The following SRD5A2 variants were observed in gnomAD, a reference collection of about 807,000 sequenced individuals.
SRD5A2 encodes the protein 3-oxo-5-alpha-steroid 4-dehydrogenase 2.
In SRD5A2, 30 loss-of-function variants were observed where a neutral mutation model predicts 27.4. The observed-to-expected ratio is 1.10, with a 90% CI of 0.82 to 1.49. The LOEUF (loss-of-function observed/expected upper bound fraction) is 1.49, where lower values mean the gene tolerates loss of function less well. Among genes scored for constraint, SRD5A2 ranks in the 40% most tolerant of loss-of-function variants. The probability of loss-of-function intolerance (pLI) is 0.00; values close to 1 mark genes in which losing one functional copy is unlikely to be tolerated. For missense variants in SRD5A2, 348 were observed against 323.4 expected, an observed-to-expected ratio of 1.08 and a Z score of -0.58; for synonymous variants, 141 against 133.6, an observed-to-expected ratio of 1.06 and a Z score of -0.38.
chr2:31,590,668 G>A, the SRD5A2 span, among the ~76,000 whole-genome samples: 1 of 152,168 alleles, frequency 6.6e-6, no homozygotes, highest in Non-Finnish European at 1.5e-5. Flanking sequence ...CATGCTACCT[G>A]ACTTCAAACT....
intron 1 of SRD5A2, among the ~76,000 whole-genome samples, chr2:31,563,969 A>C (rs1190960144): frequency 6.6e-6 from 1 of 152,082 alleles, no homozygotes; most frequent in African/African-American, 2.4e-5. Context: ...TCCCAGAACA[A>C]AGCTCAAGAA....
At chr2:31,602,726 C>T in the SRD5A2 span, among the ~76,000 whole-genome samples, 2 of 151,916 alleles carry the variant, frequency 1.3e-5, no homozygotes, top group Non-Finnish European at 2.9e-5. Flanking sequence ...AACAACCGAA[C>T]AGAATAGAGA....
chr2:31,545,784 AGAT>A (rs1269093336), intron 1 of SRD5A2, among the ~76,000 whole-genome samples: 1 of 152,214 alleles, frequency 6.6e-6, no homozygotes, highest in African/African-American at 2.4e-5. Flanking sequence ...CTCTGCTTAC[AGAT>A]GATATGATCA....
At chr2:31,560,360 G>A (rs1666597434) in intron 1 of SRD5A2, among the ~76,000 whole-genome samples, 1 of 150,850 alleles carries the variant, frequency 6.6e-6, no homozygotes, top group Non-Finnish European at 1.5e-5. Context: ...GGTGTCTAGA[G>A]CTCCCATCTC....
chr2:31,626,034 C>T, the SRD5A2 span, among the ~76,000 whole-genome samples: 3 of 152,264 alleles, frequency 2.0e-5, no homozygotes, highest in Non-Finnish European at 2.9e-5. Flanking sequence ...TCTTTTATTT[C>T]GTTGAGCAGT....
chr2:31,608,018 C>A, the SRD5A2 span, among the ~76,000 whole-genome samples: 1 of 152,008 alleles, frequency 6.6e-6, no homozygotes, highest in Non-Finnish European at 1.5e-5. Context: ...GACACTGACC[C>A]TGTTGGCACC....
intron 1 of SRD5A2, among the ~76,000 whole-genome samples, chr2:31,538,322 T>C (rs1666066111): frequency 6.6e-6 from 1 of 152,138 alleles, no homozygotes; most frequent in Non-Finnish European, 1.5e-5. Flanking sequence ...TCTCTCTCTC[T>C]CATTCTCTCA....
intron 1 of SRD5A2, among the ~76,000 whole-genome samples, chr2:31,537,393 G>C (rs962111286): frequency 2.6e-5 from 4 of 151,804 alleles, no homozygotes; most frequent in Non-Finnish European, 4.4e-5. Flanking sequence ...TCCTCCCATG[G>C]AAACAAATCT....
chr2:31,581,098 G>T (rs1572375437), upstream of SRD5A2: 2 of 598,916 alleles, frequency 3.3e-6, no homozygotes, highest in Non-Finnish European at 5.7e-6. Context: ...ATGCAGCCGC[G>T]GTGGCCGGAG....
chr2:31,650,574 T>C, the SRD5A2 span, among the ~76,000 whole-genome samples: 1 of 152,198 alleles, frequency 6.6e-6, no homozygotes, highest in Admixed American at 6.5e-5. Context: ...TGACAAGTAG[T>C]AAACCATCAC....
At chr2:31,533,890 C>A in intron 1 of SRD5A2, 124 bp from the exon 2 acceptor site, 8 of 1,079,462 alleles carry the variant, frequency 7.4e-6, no homozygotes, top group Non-Finnish European at 9.0e-6. Flanking sequence ...TCGCCTTAAC[C>A]CAATACAAAT....
chr2:31,644,660 T>A, the SRD5A2 span, among the ~76,000 whole-genome samples: 1 of 152,156 alleles, frequency 6.6e-6, no homozygotes, highest in Admixed American at 6.5e-5. Flanking sequence ...TCAGGACCCG[T>A]ACCAGTCCAC....
At chr2:31,624,467 A>G in the SRD5A2 span, among the ~76,000 whole-genome samples, 1 of 151,784 alleles carries the variant, frequency 6.6e-6, no homozygotes, top group Non-Finnish European at 1.5e-5. Context: ...GCACTCATTA[A>G]CTCATTATTT....
upstream of SRD5A2, among the ~76,000 whole-genome samples, chr2:31,582,552 T>C (rs1362192770): frequency 6.6e-6 from 1 of 152,258 alleles, no homozygotes; most frequent in East Asian, 1.9e-4. Flanking sequence ...AAGCTTTTTT[T>C]GCACTGGCTT....
chr2:31,551,822 GTGC>G (rs1156943787), intron 1 of SRD5A2, among the ~76,000 whole-genome samples: 4 of 152,162 alleles, frequency 2.6e-5, no homozygotes, highest in African/African-American at 9.7e-5. Flanking sequence ...TCAAGACTAT[GTGC>G]TGTTGGTGGT....
the SRD5A2 span, among the ~76,000 whole-genome samples, chr2:31,602,316 C>T: frequency 5.3e-5 from 8 of 151,818 alleles, no homozygotes; most frequent in Non-Finnish European, 1.2e-4. Flanking sequence ...TTCACAATTG[C>T]CACAAAAAGA....
At position 31,539,372 on chromosome 2, in the gene SRD5A2, C is replaced by T. The variant is rs74664230; in HGVS notation, c.282-5606G>A. On this transcript the variant is annotated intron_variant, in intron 1 of 4. Coordinates refer to ENST00000622030, the MANE Select transcript of SRD5A2 (RefSeq NM_000348.4). ...GAGAAAAAGGGAAAAACCAGAAAGA[C>T]AAAAACTTTTAGAATATAGTTGCTT... 4.7e-3 allele frequency among the ~76,000 whole-genome samples: 719 copies of T among 152,242 alleles called. 2 individuals carry two copies. The highest frequency in any genetic ancestry group is 7.7e-3 in the Non-Finnish European group (524 of 68,008).
At chr2:31,567,581 C>G (rs1666759699) in intron 1 of SRD5A2, among the ~76,000 whole-genome samples, 1 of 151,974 alleles carries the variant, frequency 6.6e-6, no homozygotes, top group South Asian at 2.1e-4. Context: ...CTTTGTAGTT[C>G]TACCTTCTTG....
chr2:31,647,733 A>C, the SRD5A2 span, among the ~76,000 whole-genome samples: 4 of 152,198 alleles, frequency 2.6e-5, no homozygotes, highest in African/African-American at 7.2e-5. Context: ...ACAGAAGTAA[A>C]TGTGTATGTT....
Sources: allele counts gnomAD v4.1 joint callset (sites outside exome capture counted in the v4.1 genomes callset), GRCh38; gene constraint gnomAD v4.1.1; transcripts MANE v1.5; gene names NCBI Gene and HGNC (gene_info 2026-07-23, HGNC 2026-07-21).